NRG1: variants seen among roughly 807,000 people sequenced by gnomAD.
NRG1 encodes neuregulin 1.
NRG1 carries 18 observed loss-of-function variants against 63.8 expected under a neutral mutation model. The ratio of observed to expected loss-of-function variants is 0.28; its 90% confidence interval spans 0.19 to 0.42. The LOEUF is 0.42. NRG1 is among the 10% of genes least tolerant of loss of function. The pLI, the probability that NRG1 is intolerant of heterozygous loss-of-function variation, is 1.00. For synonymous variants in NRG1, 302 were observed against 301.3 expected, an observed-to-expected ratio of 1.00 and a Z score of -0.02; for missense variants, 762 against 814.7, an observed-to-expected ratio of 0.94 and a Z score of 0.79.
At chr8:32,139,586 T>C (rs1835979904) in intron 1 of NRG1, 1 of 152,228 alleles carries the variant, frequency 6.6e-6, no homozygotes, top group Non-Finnish European at 1.5e-5. Context: ...AGGCCACTTA[T>C]AGCAGGCATA....
intron 1 of NRG1, among the ~76,000 whole-genome samples, chr8:32,569,475 A>G (rs1485578297): frequency 6.6e-6 from 1 of 152,328 alleles, no homozygotes; most frequent in Admixed American, 6.5e-5. Flanking sequence ...GTAGAAAGCT[A>G]TACTCTTACT....
At chr8:32,684,630 C>CT (rs1563941100) in intron 5 of NRG1, among the ~76,000 whole-genome samples, 3 of 152,140 alleles carry the variant, frequency 2.0e-5, no homozygotes, top group South Asian at 2.1e-4. Context: ...TAATATCATT[C>CT]TTTTTTTAAA....
rs755527321 is a variant in NRG1 at position 32,596,054 on chromosome 8, A to G, written c.278+49A>G. The G allele has an allele frequency of 1.5e-5, 21 of 1,445,194 alleles. No individual in the cohort carries two copies. The East Asian group carries it at 4.6e-4, about 31-fold the overall frequency. The allele number at this position is 1,445,194 out of a possible 1,614,324, so 89.5% of individuals were successfully genotyped here. A position where few individuals can be genotyped will look rare whatever the true frequency, so the allele number is the denominator to read the frequency against. On this transcript the variant is annotated intron_variant, in intron 2 of 11. Coordinates refer to ENST00000356819, the Ensembl canonical transcript of NRG1. ...AGAGACTGCCCCCAGCAATAAGATAACATATAAATGTTATTTAGACCCTAA... is the reference window on the plus strand; with the variant it reads ...AGAGACTGCCCCCAGCAATAAGATAGCATATAAATGTTATTTAGACCCTAA...
chr8:32,261,453 T>C (rs1225820352), intron 1 of NRG1, among the ~76,000 whole-genome samples: 1 of 151,982 alleles, frequency 6.6e-6, no homozygotes, highest in Non-Finnish European at 1.5e-5. Context: ...AAACGGAGGC[T>C]TTTCTTACTA....
chr8:32,025,078 A>G (rs1817035349), intron 1 of NRG1, among the ~76,000 whole-genome samples: 1 of 152,192 alleles, frequency 6.6e-6, no homozygotes. Flanking sequence ...TTCATTTTAT[A>G]TTTCTCTGGT....
intron 1 of NRG1, among the ~76,000 whole-genome samples, chr8:31,938,529 C>G (rs1801277837): frequency 6.6e-6 from 1 of 152,092 alleles, no homozygotes; most frequent in African/African-American, 2.4e-5. Flanking sequence ...ATCATACCAG[C>G]TCACCAGCAA....
chr8:32,763,033 T>C (rs959986664), intron 11 of NRG1, among the ~76,000 whole-genome samples: 3 of 152,188 alleles, frequency 2.0e-5, no homozygotes, highest in African/African-American at 7.2e-5. Flanking sequence ...TCCATTGTGG[T>C]AACTGTGAAG....
intron 1 of NRG1, among the ~76,000 whole-genome samples, chr8:32,305,597 C>T (rs1340999147): frequency 6.6e-6 from 1 of 152,160 alleles, no homozygotes; most frequent in Non-Finnish European, 1.5e-5. Flanking sequence ...CCTCAGAGTC[C>T]ACTTAGCTTT....
At chr8:31,828,053 G>T (rs963262332) in intron 1 of NRG1, among the ~76,000 whole-genome samples, 1 of 152,202 alleles carries the variant, frequency 6.6e-6, no homozygotes, top group Non-Finnish European at 1.5e-5. Flanking sequence ...GCCTGCGAAG[G>T]TGCTTCTGCC....
intron 1 of NRG1, among the ~76,000 whole-genome samples, chr8:32,506,418 T>C (rs1187950419): frequency 6.6e-6 from 1 of 152,170 alleles, no homozygotes; most frequent in Non-Finnish European, 1.5e-5. Context: ...GTCACCAGTC[T>C]GTGAGGCTGG....
At chr8:32,761,823 G>A (rs1040065188) in intron 11 of NRG1, among the ~76,000 whole-genome samples, 8 of 151,564 alleles carry the variant, frequency 5.3e-5, no homozygotes, top group Non-Finnish European at 7.4e-5. Flanking sequence ...GGTAGATCAC[G>A]AGGTCAGGAG....
rs184550533 is a variant in NRG1, at chr8:31,816,815, C to T, written c.37+177384C>T. 7.9e-5 allele frequency among the ~76,000 whole-genome samples: 12 copies of T among 152,270 alleles called. No homozygotes were observed. The East Asian group carries it at 1.5e-3, about 20-fold the overall frequency. On this transcript the variant is annotated intron_variant, in intron 1 of 10. Coordinates refer to the NRG1 transcript ENST00000519301. The stretch of plus-strand genomic sequence containing the variant: ...ATGCCATTGCCTCTTCAGCCCTAAA[C>T]ACAAAGCCCAGTTAAGTGTTTCCCT...
intron 1 of NRG1, among the ~76,000 whole-genome samples, chr8:32,300,946 C>G (rs980652207): frequency 6.6e-6 from 1 of 152,196 alleles, no homozygotes; most frequent in African/African-American, 2.4e-5. Context: ...CTACATTCTT[C>G]CTGATCAGAA....
chr8:31,755,202 C>T (rs534490774), intron 1 of NRG1, among the ~76,000 whole-genome samples: 1 of 152,192 alleles, frequency 6.6e-6, no homozygotes, highest in East Asian at 1.9e-4. Context: ...CCTGTGTGGC[C>T]TTATCTGTAC....
intron 9 of NRG1, among the ~76,000 whole-genome samples, chr8:32,757,513 C>A (rs1319278241): frequency 1.3e-5 from 2 of 152,166 alleles, no homozygotes; most frequent in African/African-American, 4.8e-5. Flanking sequence ...AGTCTTGTAG[C>A]AAAAACCTTC....
intron 1 of NRG1, among the ~76,000 whole-genome samples, chr8:32,344,842 T>G (rs1345500388): frequency 6.6e-6 from 1 of 152,120 alleles, no homozygotes; most frequent in Non-Finnish European, 1.5e-5. Context: ...TTGTTAGATA[T>G]TTAAATCTAC....
chr8:32,526,331 C>T (rs1830837317), intron 1 of NRG1, among the ~76,000 whole-genome samples: 1 of 152,174 alleles, frequency 6.6e-6, no homozygotes, highest in Non-Finnish European at 1.5e-5. Flanking sequence ...TGCCACATGG[C>T]TCTCTCTCTA....
At chr8:31,789,307 G>A (rs899642370) in intron 1 of NRG1, among the ~76,000 whole-genome samples, 4 of 152,218 alleles carry the variant, frequency 2.6e-5, no homozygotes, top group Admixed American at 2.6e-4. Flanking sequence ...TGAATGTGGA[G>A]AACAGAATTG....
intron 1 of NRG1, among the ~76,000 whole-genome samples, chr8:32,318,390 T>C (rs1047367940): frequency 6.6e-6 from 1 of 152,226 alleles, no homozygotes; most frequent in African/African-American, 2.4e-5. Context: ...TCATGCTTTT[T>C]GTAGAATCAA....
Sources: allele counts gnomAD v4.1 joint callset (sites outside exome capture counted in the v4.1 genomes callset), GRCh38; gene constraint gnomAD v4.1.1; transcripts MANE v1.5; gene names NCBI Gene and HGNC (gene_info 2026-07-23, HGNC 2026-07-21).